KALRN: variants seen among roughly 807,000 people sequenced by gnomAD.
The protein encoded by KALRN is kalirin RhoGEF kinase, also known as kalirin.
In KALRN, 70 loss-of-function variants were observed where a neutral mutation model predicts 353.7. That is an observed-to-expected ratio of 0.20 (90% CI 0.16 to 0.24). The LOEUF is 0.24. Among genes scored for constraint, KALRN ranks in the 10% least tolerant of loss-of-function variants. The pLI, the probability that KALRN is intolerant of heterozygous loss-of-function variation, is 1.00. For missense variants in KALRN, 2,791 were observed against 3,756.7 expected, an observed-to-expected ratio of 0.74 and a Z score of 6.72; for synonymous variants, 1,391 against 1,434.8, an observed-to-expected ratio of 0.97 and a Z score of 0.69.
intron 11 of KALRN, among the ~76,000 whole-genome samples, chr3:124,390,781 T>G (rs1447214676): frequency 6.6e-6 from 1 of 152,144 alleles, no homozygotes; most frequent in Non-Finnish European, 1.5e-5. Flanking sequence ...AGTGATGAAA[T>G]TAAATGACCT....
chr3:124,430,650 C>A lies in KALRN; in HGVS notation c.2710-6C>A, dbSNP rs1212975989. On this transcript the variant is annotated splice_polypyrimidine_tract_variant and splice_region_variant and intron_variant, in intron 15 of 59. Transcript: ENST00000682506. ...ATTCACCTGTGTGCTTGTCCCGATTCCCTAGGTTCTGGGATGGATCCGCAA... is the reference window on the plus strand; with the variant it reads ...ATTCACCTGTGTGCTTGTCCCGATTACCTAGGTTCTGGGATGGATCCGCAA... 6.2e-7 allele frequency: 1 copy of A among 1,613,884 alleles called. No homozygotes were observed. Among genetic ancestry groups the A allele is most frequent in the Non-Finnish European group, 8.5e-7 (1 of 1,179,824 alleles).
intron 1 of KALRN, among the ~76,000 whole-genome samples, chr3:124,175,728 T>A (rs1035793502): frequency 2.0e-5 from 3 of 152,004 alleles, no homozygotes; most frequent in Non-Finnish European, 4.4e-5. Flanking sequence ...TGTGGAAGTG[T>A]GTACAGCCAA....
chr3:124,329,007 C>T (rs1044951087), intron 7 of KALRN, among the ~76,000 whole-genome samples: 21 of 152,108 alleles, frequency 1.4e-4, no homozygotes, highest in Admixed American at 3.9e-4. Context: ...GGTCTTTAGG[C>T]AATTAATTTA....
intron 34 of KALRN, among the ~76,000 whole-genome samples, chr3:124,619,978 G>GTT (rs879624412): frequency 4.9e-5 from 7 of 142,660 alleles, no homozygotes; most frequent in African/African-American, 1.8e-4. Flanking sequence ...AACCATTTTG[G>GTT]TTTTTTTTTT....
chr3:124,245,079 A>G (rs551972326), intron 3 of KALRN, among the ~76,000 whole-genome samples: 2 of 152,274 alleles, frequency 1.3e-5, no homozygotes, highest in African/African-American at 4.8e-5. Flanking sequence ...GCTATCAAAC[A>G]CTAGATCTTA....
rs1299756186 is a variant in KALRN, at chr3:124,033,776, A to G, written c.36A>G (p.Gly12=). Among the ~76,000 whole-genome samples, 1 of 152,036 alleles carries G rather than the reference A, an allele frequency of 6.6e-6. No individual in the cohort carries two copies. The highest frequency in any genetic ancestry group is 1.5e-5 in the Non-Finnish European group (1 of 67,988). ...CTGAGGGAGCAGCGGAGGAAGGAGGAGCAGCAGACTCGGACGTGGACGCCT... is the reference window on the plus strand; with the variant it reads ...CTGAGGGAGCAGCGGAGGAAGGAGGGGCAGCAGACTCGGACGTGGACGCCT... ...NPPEGAAEEG[G]AADSDVDAFF... The change falls in exon 1 of 60, where the codon GGA becomes GGG. Residue 12 remains glycine (G), a synonymous_variant. Transcript: ENST00000682506. This position sits in a 1 kb window ranked among gnomAD's most constrained non-coding sequence, Gnocchi z 6.2.
intron 3 of KALRN, among the ~76,000 whole-genome samples, chr3:124,241,380 A>T (rs2080418362): frequency 6.6e-6 from 1 of 152,172 alleles, no homozygotes; most frequent in Non-Finnish European, 1.5e-5. Flanking sequence ...TTAGAGTGAA[A>T]AAGAAGCTAA....
intron 1 of KALRN, among the ~76,000 whole-genome samples, chr3:124,172,752 G>T (rs2072050724): frequency 6.6e-6 from 1 of 152,088 alleles, no homozygotes; most frequent in African/African-American, 2.4e-5. Context: ...TGCTCCCTGT[G>T]TGTTGTGGCT....
Position 124,704,722 on chromosome 3 carries a change from A to AT in KALRN, c.8075+2614dup, listed in dbSNP as rs569154464. 2.0e-3 allele frequency among the ~76,000 whole-genome samples: 296 copies of AT among 151,388 alleles called. 3 individuals are homozygous for AT. Among genetic ancestry groups the AT allele is most frequent in the African/African-American group, 6.8e-3 (281 of 41,288 alleles). ...GCCATCACAGCCAGCTAATTTTTGC[A>AT]TTTTTTTTGTAGATACGGTATTTCA... is the stretch of plus-strand genomic sequence containing the variant. On this transcript the variant is annotated intron_variant, in intron 57 of 59. Transcript: ENST00000682506.
intron 34 of KALRN, among the ~76,000 whole-genome samples, chr3:124,614,766 CT>C (rs1156666957): frequency 2.0e-5 from 3 of 152,038 alleles, no homozygotes; most frequent in Non-Finnish European, 4.4e-5. Flanking sequence ...GGGACAGGGT[CT>C]CACTATGTTT....
intron 33 of KALRN, among the ~76,000 whole-genome samples, chr3:124,538,128 G>C (rs549427452): frequency 6.6e-6 from 1 of 152,206 alleles, no homozygotes; most frequent in Non-Finnish European, 1.5e-5. Flanking sequence ...CATATACCAT[G>C]AGGCAAAAAC....
At chr3:124,149,186 T>C (rs1012184434) in intron 1 of KALRN, among the ~76,000 whole-genome samples, 4 of 152,202 alleles carry the variant, frequency 2.6e-5, no homozygotes, top group Admixed American at 2.0e-4. Context: ...CCTAGCAGAA[T>C]CCAAACTGAC....
At chr3:124,215,477 C>T (rs1042840279) in intron 1 of KALRN, among the ~76,000 whole-genome samples, 1 of 152,142 alleles carries the variant, frequency 6.6e-6, no homozygotes, top group Non-Finnish European at 1.5e-5. Context: ...GAACATCTAC[C>T]AGGTGTCAGG....
chr3:124,267,862 T>C (rs2073745688), intron 4 of KALRN, among the ~76,000 whole-genome samples: 1 of 152,192 alleles, frequency 6.6e-6, no homozygotes, highest in Non-Finnish European at 1.5e-5. Context: ...CATTGATACA[T>C]TTAATCTCTG....
chr3:124,584,337 A>G (rs2074907730), intron 34 of KALRN, among the ~76,000 whole-genome samples: 1 of 152,184 alleles, frequency 6.6e-6, no homozygotes, highest in Non-Finnish European at 1.5e-5. Context: ...GCGAGGAAGA[A>G]AAGGGCATCC....
At chr3:124,446,978 CA>C in intron 21 of KALRN, 93 bp downstream of exon 21, 1 of 1,442,610 alleles carries the variant, frequency 6.9e-7, no homozygotes, top group Non-Finnish European at 9.5e-7. Context: ...CTTCTGTAAG[CA>C]AAAATACCTG....
rs201872984 is a variant in KALRN at position 124,540,224 on chromosome 3, TA to T, written c.4936-22617del. 1.0e-2 allele frequency among the ~76,000 whole-genome samples: 1,518 copies of T among 152,254 alleles called. 25 individuals are homozygous for T. Among genetic ancestry groups the T allele is most frequent in the African/African-American group, 0.034 (1,420 of 41,556 alleles). On this transcript the variant is annotated intron_variant, in intron 33 of 59. Transcript: ENST00000682506. ...GTAAGCCACTGCACCCGGCCACATTTAATACTTTAAATTATTATAAATGCAT... is the reference window on the plus strand; with the variant it reads ...GTAAGCCACTGCACCCGGCCACATTTATACTTTAAATTATTATAAATGCAT...
chr3:124,130,114 C>A (rs1482077426), intron 1 of KALRN, among the ~76,000 whole-genome samples: 1 of 152,146 alleles, frequency 6.6e-6, no homozygotes, highest in African/African-American at 2.4e-5. Flanking sequence ...GTGGAAAGCC[C>A]ATGTGACCAG....
At chr3:124,542,337 A>C (rs332411) in intron 33 of KALRN, among the ~76,000 whole-genome samples, 110,732 of 152,102 alleles carry the variant, frequency 0.73, 41,811 homozygotes, top group African/African-American at 0.91. Flanking sequence ...TGAGCCTCAA[A>C]TTTCTGTTGA....
Sources: allele counts gnomAD v4.1 joint callset (sites outside exome capture counted in the v4.1 genomes callset), GRCh38; gene constraint gnomAD v4.1.1; non-coding constraint Gnocchi (gnomAD v3.1); transcripts MANE v1.5; gene names NCBI Gene and HGNC (gene_info 2026-07-23, HGNC 2026-07-21).